ARMC7: variants seen among roughly 807,000 people sequenced by gnomAD.
The protein encoded by ARMC7 is armadillo repeat-containing protein 7.
A neutral mutation model predicts 14.8 loss-of-function variants in ARMC7; 9 were observed. That is an observed-to-expected ratio of 0.61 (90% confidence interval 0.37 to 1.06). ARMC7 has a LOEUF of 1.06. Ranked by LOEUF, ARMC7 falls within the 50% of genes least tolerant of loss-of-function variation. The pLI, the probability that ARMC7 is intolerant of heterozygous loss-of-function variation, is 0.01. For synonymous variants in ARMC7, 125 were observed against 123.4 expected, an observed-to-expected ratio of 1.01 and a Z score of -0.09; for missense variants, 262 against 267.1, an observed-to-expected ratio of 0.98 and a Z score of 0.13.
Position 75,130,088 on chromosome 17 carries a change from GC to G in ARMC7, c.*1051del. The G allele has an allele frequency of 5.5e-6, 1 of 180,614 alleles. No individual in the cohort carries two copies. The highest frequency in any genetic ancestry group is 1.2e-5 in the Non-Finnish European group (1 of 84,292). 11.2% of individuals were successfully genotyped at this position (180,614 alleles called of 1,614,324 possible). ...CTTAGATGGCCCAGGAATGGCAGGT[GC>G]TACAAAAATGGTACCCACGTGGGCA... On this transcript the variant is annotated 3_prime_UTR_variant, in exon 3 of 3. Coordinates refer to ENST00000245543, the MANE Select transcript of ARMC7 (RefSeq NM_024585.4).
Position 75,110,592 on chromosome 17 carries a change from T to A in ARMC7, c.221T>A (p.Val74Glu). ...DSLSEENETL[V>E]EFAIGGLCNL... ...CTGTCGGAGGAGAATGAGACCCTGG[T>A]GGAGTTTGCTATTGGTAAGGGCGGG... Residue 74 changes from valine to glutamate, a missense_variant, in exon 2 of 3, where the codon GTG becomes GAG. Transcript: ENST00000245543. 5 of 1,614,138 alleles carry A rather than the reference T, an allele frequency of 3.1e-6. No homozygotes were observed. The highest frequency in any genetic ancestry group is 4.2e-6 in the Non-Finnish European group (5 of 1,180,016).
intron 2 of ARMC7, among the ~76,000 whole-genome samples, chr17:75,124,059 G>A (rs1391088381): frequency 1.3e-5 from 2 of 152,186 alleles, no homozygotes; most frequent in Non-Finnish European, 2.9e-5. Context: ...GGTTCACACA[G>A]GTAGACCCAG....
rs764090357 is a variant in ARMC7, at chr17:75,110,300, G to A, written c.12G>A (p.Lys4=). 3.7e-6 allele frequency: 6 copies of A among 1,612,042 alleles called. No homozygotes were observed. The Middle Eastern group carries it at 9.8e-4, about 264-fold the overall frequency. The change falls in exon 1 of 3, where the codon AAG becomes AAA. Residue 4 remains lysine, a synonymous_variant. Coordinates refer to ENST00000245543, the MANE Select transcript of ARMC7 (RefSeq NM_024585.4). MAQ[K]PKVDPHVGRL... ...CCGTCACCGCGGCCATGGCCCAGAA[G>A]CCGAAGGTGGACCCCCACGTCGGGC...
chr17:75,129,242 A>C lies in ARMC7; in HGVS notation c.*204A>C. 2.8e-6 allele frequency: 2 copies of C among 716,240 alleles called. No individual in the cohort carries two copies. The highest frequency in any genetic ancestry group is 4.4e-6 in the Non-Finnish European group (2 of 451,222). The allele number at this position is 716,240 out of a possible 1,614,324, so 44.4% of individuals were successfully genotyped here. A position where few individuals can be genotyped will look rare whatever the true frequency, so the allele number is the denominator to read the frequency against. On this transcript the variant is annotated 3_prime_UTR_variant, in exon 3 of 3. Transcript: ENST00000245543. ...AGACTCCAGAGACACGGAGAAGATCAAACTGGAGCTGCGTTCATAGGCTGG... is the reference window on the plus strand; with the variant it reads ...AGACTCCAGAGACACGGAGAAGATCCAACTGGAGCTGCGTTCATAGGCTGG...
Position 75,125,844 on chromosome 17 carries a change from A to C in ARMC7, c.236-2833A>C, listed in dbSNP as rs763938060. Among the ~76,000 whole-genome samples the C allele has an allele frequency of 4.6e-5, 7 of 152,244 alleles. No homozygotes were observed. The Middle Eastern group carries it at 0.017, about 370-fold the overall frequency. On this transcript the variant is annotated intron_variant, in intron 2 of 2. Transcript: ENST00000245543. ...GGGTGAAAGAGTGAAACTCCATCTC[A>C]AAAATAAAAAAGGTTCCCTCAAAGC...
intron 2 of ARMC7, among the ~76,000 whole-genome samples, chr17:75,119,711 C>A (rs117252453): frequency 1.3e-5 from 2 of 151,624 alleles, no homozygotes; most frequent in Non-Finnish European, 2.9e-5. Flanking sequence ...CCGCCTGCCT[C>A]GGCCCTCTCA....
intron 2 of ARMC7, among the ~76,000 whole-genome samples, chr17:75,122,745 T>C (rs967311525): frequency 2.6e-5 from 4 of 152,270 alleles, no homozygotes; most frequent in South Asian, 2.1e-4. Context: ...AGGCTGCTGA[T>C]AGAGAATGAG....
intron 2 of ARMC7, among the ~76,000 whole-genome samples, chr17:75,120,153 C>T (rs759937799): frequency 6.6e-6 from 1 of 151,706 alleles, no homozygotes; most frequent in African/African-American, 2.4e-5. Context: ...GATCCACCCT[C>T]GGCCTCCCAA....
intron 2 of ARMC7, 39 bp from the exon 3 acceptor site, chr17:75,128,638 G>A (rs747984437): frequency 5.7e-6 from 9 of 1,574,214 alleles, no homozygotes; most frequent in Middle Eastern, 1.7e-4. Flanking sequence ...GAGGAGGCCC[G>A]GGGCTACAGC....
chr17:75,118,563 G>C (rs1169231621), intron 2 of ARMC7, among the ~76,000 whole-genome samples: 2 of 152,218 alleles, frequency 1.3e-5, no homozygotes, highest in Admixed American at 1.3e-4. Context: ...TACAGCGACC[G>C]CGGAGAACAC....
chr17:75,111,121 T>C (rs890566666), intron 2 of ARMC7, among the ~76,000 whole-genome samples: 8 of 151,628 alleles, frequency 5.3e-5, no homozygotes, highest in African/African-American at 1.9e-4. Flanking sequence ...TGAGACCATG[T>C]CTCAAAAAAA....
chr17:75,113,784 G>A (rs1375827894), intron 2 of ARMC7, among the ~76,000 whole-genome samples: 1 of 152,244 alleles, frequency 6.6e-6, no homozygotes, highest in Admixed American at 6.5e-5. Context: ...TCCAGCACAT[G>A]TGTGTGCGGA....
At chr17:75,127,141 A>C (rs1354137355) in intron 2 of ARMC7, among the ~76,000 whole-genome samples, 1 of 151,158 alleles carries the variant, frequency 6.6e-6, no homozygotes, top group African/African-American at 2.4e-5. Context: ...AGGGAGGCTG[A>C]GGCAGAAGGA....
At chr17:75,122,345 A>G (rs566924620) in intron 2 of ARMC7, among the ~76,000 whole-genome samples, 1 of 151,758 alleles carries the variant, frequency 6.6e-6, no homozygotes, top group South Asian at 2.1e-4. Flanking sequence ...ACAAAAAAGA[A>G]TAATATCTTT....
intron 2 of ARMC7, among the ~76,000 whole-genome samples, chr17:75,120,970 C>T (rs1476706724): frequency 1.3e-5 from 2 of 152,176 alleles, no homozygotes; most frequent in Non-Finnish European, 2.9e-5. Context: ...TTCACACCCA[C>T]GCTGGGTCAG....
chr17:75,113,505 C>G (rs1261986728), intron 2 of ARMC7, among the ~76,000 whole-genome samples: 1 of 150,930 alleles, frequency 6.6e-6, no homozygotes, highest in Non-Finnish European at 1.5e-5. Context: ...CAGGCGCCCC[C>G]CCACCAGGCC....
chr17:75,114,495 G>C (rs1463209545), intron 2 of ARMC7: 1 of 392,480 alleles, frequency 2.5e-6, no homozygotes, highest in African/African-American at 2.1e-5. Context: ...TGGAGTCCGC[G>C]GTCCCAGCGT....
In ARMC7 at chr17:75,110,079, C is replaced by A; in HGVS notation, c.-210C>A. On this transcript the variant is annotated 5_prime_UTR_variant, in exon 1 of 3. Coordinates refer to ENST00000245543, the MANE Select transcript of ARMC7 (RefSeq NM_024585.4). ...CCAATTTCGATTTTCAAACGCAACTCCTACAGGATTCTGAGACCCCGTCCC... is the reference window on the plus strand; with the variant it reads ...CCAATTTCGATTTTCAAACGCAACTACTACAGGATTCTGAGACCCCGTCCC... 1.8e-6 allele frequency: 1 copy of A among 565,604 alleles called. No individual in the cohort carries two copies. The highest frequency in any genetic ancestry group is 3.1e-6 in the Non-Finnish European group (1 of 322,272). The allele number at this position is 565,604 out of a possible 1,614,324, so 35.0% of individuals were successfully genotyped here.
chr17:75,111,312 G>A (rs932573554), intron 2 of ARMC7, among the ~76,000 whole-genome samples: 9 of 151,746 alleles, frequency 5.9e-5, no homozygotes, highest in African/African-American at 1.5e-4. Flanking sequence ...CGGGCATGGT[G>A]GTGGGCGCCT....
Sources: allele counts gnomAD v4.1 joint callset (sites outside exome capture counted in the v4.1 genomes callset), GRCh38; gene constraint gnomAD v4.1.1; transcripts MANE v1.5; gene names NCBI Gene and HGNC (gene_info 2026-07-23, HGNC 2026-07-21).